Variants in ADGRA1 observed in about 807,000 individuals in gnomAD.
ADGRA1 encodes adhesion G protein-coupled receptor A1.
ADGRA1 carries 12 observed loss-of-function variants against 21.3 expected under a neutral mutation model. The observed-to-expected ratio is 0.56, with a 90% CI of 0.36 to 0.91. ADGRA1 has a LOEUF of 0.91. Among genes scored for constraint, ADGRA1 ranks in the 40% least tolerant of loss-of-function variants. The probability of loss-of-function intolerance (pLI) is 0.01; values close to 1 mark genes in which losing one functional copy is unlikely to be tolerated. For synonymous variants in ADGRA1, 385 were observed against 368.8 expected (o/e 1.04, Z -0.50); for missense variants, 790 against 805.6 (o/e 0.98, Z 0.23).
intron 5 of ADGRA1, among the ~76,000 whole-genome samples, chr10:133,104,667 G>A (rs1014162103): frequency 1.3e-5 from 2 of 152,168 alleles, no homozygotes; most frequent in Non-Finnish European, 2.9e-5. Flanking sequence ...GGCAGGGGGT[G>A]TCCACACAGT....
chr10:133,129,196 C>G lies in ADGRA1; in HGVS notation c.1368C>G (p.Pro456=), dbSNP rs1449874241. ...CCCGCAGCTCGCGCACAGACAGCCC[C>G]CCCAGCTCTCTGGATGGCCCGGCGG... is the stretch of plus-strand genomic sequence containing the variant. The part of the protein sequence containing the change: ...GSPRSSRTDS[P]PSSLDGPAGT... Residue 456 remains proline (P), a synonymous_variant, in exon 7 of 7, where the codon CCC becomes CCG. Transcript: ENST00000392607. 6.4e-7 allele frequency: 1 copy of G among 1,550,412 alleles called. No homozygotes were observed. Among genetic ancestry groups the G allele is most frequent in the South Asian group, 1.2e-5 (1 of 84,100 alleles).
chr10:133,128,846 C>G lies in ADGRA1; in HGVS notation c.1018C>G (p.Arg340Gly), dbSNP rs1324243562. 6.3e-7 allele frequency: 1 copy of G among 1,587,724 alleles called. No homozygotes were observed. Among genetic ancestry groups the G allele is most frequent in the South Asian group, 1.1e-5 (1 of 88,932 alleles). ...ALDANGAALG[R>G]AACLHSPGLG... is the part of the protein sequence containing the mutation. Reference sequence around the variant, plus strand: ...TGACGCCAACGGGGCCGCGCTGGGCCGCGCCGCCTGCCTGCACTCGCCGGG... The same window carrying G: ...TGACGCCAACGGGGCCGCGCTGGGCGGCGCCGCCTGCCTGCACTCGCCGGG... The change falls in exon 7 of 7, where the codon CGC becomes GGC. Residue 340 changes from arginine (R) to glycine (G), a missense_variant. Transcript: ENST00000392607.
chr10:133,112,936 AGGTCTGCGGGCTGTGTCGGTTATTTGG>A (rs1852084596), intron 5 of ADGRA1, among the ~76,000 whole-genome samples: 2 of 73,714 alleles, frequency 2.7e-5, no homozygotes. Context: ...CGGTTATTTG[AGGTCTGCGGGCTGTGTCGGTTATTTGG>A]GGTCTGCGGG....
chr10:133,093,764 G>A (rs1564842789), intron 2 of ADGRA1, among the ~76,000 whole-genome samples: 1 of 152,210 alleles, frequency 6.6e-6, no homozygotes, highest in Admixed American at 6.5e-5. Flanking sequence ...CTTCTGACTT[G>A]CTGGCTCACC....
intron 5 of ADGRA1, among the ~76,000 whole-genome samples, chr10:133,125,648 C>T (rs756596207): frequency 9.9e-5 from 15 of 151,954 alleles, no homozygotes; most frequent in Non-Finnish European, 2.1e-4. Flanking sequence ...CCAGGATGGT[C>T]TCGGTCTCCT....
In ADGRA1 at chr10:133,102,733, A is replaced by G. The variant is rs770750197; in HGVS notation, c.292A>G (p.Met98Val). ...IVLHYSTLSTMLWIGVTARNI... is the reference protein window; with the variant it reads ...IVLHYSTLSTVLWIGVTARNI... ...GCTGCACTATTCTACACTGTCCACC[A>G]TGCTGTGGATAGGAGTGACCGCCAG... The change falls in exon 5 of 7, where the codon ATG (methionine) becomes GTG (valine). Residue 98 changes from methionine (M) to valine (V), a missense_variant. This residue lies in a region of ADGRA1 where 382 missense variants were observed against 415.6 expected (regional missense o/e 0.92). Transcript: ENST00000392607. 4.3e-6 allele frequency: 7 copies of G among 1,612,342 alleles called. No individual in the cohort carries two copies. The highest frequency in any genetic ancestry group is 5.9e-6 in the Non-Finnish European group (7 of 1,179,648).
At position 133,129,742 on chromosome 10, in the gene ADGRA1, C is replaced by T. The variant is rs1001238326; in HGVS notation, c.*231C>T. ...CTTGTGAAAGACCTCAGCGGGGAAA[C>T]GCTCCGGGCCACGCCCACTCCCCTT... On this transcript the variant is annotated 3_prime_UTR_variant, in exon 7 of 7. Transcript: ENST00000392607. The T allele has an allele frequency of 1.0e-4, 53 of 526,430 alleles. 1 individual carries two copies. The highest frequency in any genetic ancestry group is 5.6e-4 in the South Asian group (22 of 39,304). 32.6% of individuals were successfully genotyped at this position (526,430 alleles called of 1,614,324 possible).
In ADGRA1 at chr10:133,101,773, C is replaced by T. The variant is rs565320704; in HGVS notation, c.256-924C>T. ...ACGACCCCACACTCAGTGGCCAGGC[C>T]GGGGGAAAGGGTGGAGCCCCCCGGG... is the stretch of plus-strand genomic sequence containing the variant. On this transcript the variant is annotated intron_variant, in intron 4 of 6. Coordinates refer to ENST00000392607, the MANE Select transcript of ADGRA1 (RefSeq NM_001083909.3). Among the ~76,000 whole-genome samples, 18 of 152,276 alleles carry T rather than the reference C, an allele frequency of 1.2e-4. 1 individual carries two copies. The South Asian group carries it at 3.5e-3, about 30-fold the overall frequency.
chr10:133,128,348 C>A lies in ADGRA1; in HGVS notation c.520C>A (p.Pro174Thr). The A allele has an allele frequency of 1.9e-6, 3 of 1,553,642 alleles. No homozygotes were observed. The highest frequency in any genetic ancestry group is 4.6e-5 in the East Asian group (2 of 43,872). The change falls in exon 7 of 7, where the codon CCC becomes ACC. Residue 174 changes from proline (P) to threonine (T), a missense_variant. Pro to Thr is a conservative substitution (Grantham distance 38). Transcript: ENST00000392607. ...CCACAGCTGCTGGATGGCCTGGGAG[C>A]CCAGCCTGGGCGCCTTCTACGGCCC... ...DTAYCWMAWEPSLGAFYGPAA... is the reference protein window; with the variant it reads ...DTAYCWMAWETSLGAFYGPAA...
In ADGRA1 at chr10:133,128,377, C is replaced by A; in HGVS notation, c.549C>A (p.Ala183=). Residue 183 remains alanine, a synonymous_variant, in exon 7 of 7, where the codon GCC becomes GCA. Coordinates refer to ENST00000392607, the MANE Select transcript of ADGRA1 (RefSeq NM_001083909.3). ...EPSLGAFYGP[A]AIITLVTCVY... is the part of the protein sequence containing the mutation. ...GCCTGGGCGCCTTCTACGGCCCAGC[C>A]GCCATCATCACCCTGGTCACCTGTG... is the stretch of plus-strand genomic sequence containing the variant. 1 of 1,586,480 alleles carries A rather than the reference C, an allele frequency of 6.3e-7. No homozygotes were observed. The highest frequency in any genetic ancestry group is 2.3e-5 in the East Asian group (1 of 44,280).
intron 3 of ADGRA1, among the ~76,000 whole-genome samples, chr10:133,097,846 ACTGCCTGTGTCC>A (rs1254758545): frequency 2.0e-5 from 3 of 152,140 alleles, no homozygotes; most frequent in South Asian, 4.1e-4. Context: ...GACGGCACCC[ACTGCCTGTGTCC>A]CTGCCTGTGT....
At chr10:133,121,454 G>T (rs1374322799) in intron 5 of ADGRA1, among the ~76,000 whole-genome samples, 2 of 145,606 alleles carry the variant, frequency 1.4e-5, no homozygotes, top group Non-Finnish European at 3.0e-5. Context: ...CGTGTGCGTG[G>T]AGTGTGTCAG....
chr10:133,114,576 G>C (rs1564851053), intron 5 of ADGRA1, among the ~76,000 whole-genome samples: 1 of 152,270 alleles, frequency 6.6e-6, no homozygotes, highest in East Asian at 1.9e-4. Flanking sequence ...TCCACCCTCA[G>C]AGGTTATCGA....
chr10:133,106,191 C>T (rs1167716549), intron 5 of ADGRA1, among the ~76,000 whole-genome samples: 2 of 152,162 alleles, frequency 1.3e-5, no homozygotes, highest in South Asian at 2.1e-4. Context: ...AGGGCAAGAG[C>T]GGTAGGACTG....
chr10:133,088,637 G>A, intron 1 of ADGRA1, 71 bp from the exon 2 acceptor site: 1 of 1,016,750 alleles, frequency 9.8e-7, no homozygotes, highest in Non-Finnish European at 1.3e-6. Context: ...GCTCCCTGGC[G>A]GGGTCGGGGC....
intron 5 of ADGRA1, among the ~76,000 whole-genome samples, chr10:133,125,549 G>A (rs945426266): frequency 2.6e-5 from 4 of 151,888 alleles, no homozygotes; most frequent in Non-Finnish European, 4.4e-5. Flanking sequence ...TCAGCCTCCC[G>A]AGTAGCTGGG....
At chr10:133,096,759 C>T (rs368882517) in intron 2 of ADGRA1, among the ~76,000 whole-genome samples, 1 of 152,202 alleles carries the variant, frequency 6.6e-6, no homozygotes, top group African/African-American at 2.4e-5. Flanking sequence ...GACAGCACTC[C>T]GTGGCCACGT....
chr10:133,123,930 CTT>C (rs1199968790), intron 5 of ADGRA1, among the ~76,000 whole-genome samples: 1 of 152,230 alleles, frequency 6.6e-6, no homozygotes. Flanking sequence ...CAAGGTCCCT[CTT>C]GACGCGTGAG....
intron 5 of ADGRA1, among the ~76,000 whole-genome samples, chr10:133,104,779 G>A (rs1201561084): frequency 1.3e-5 from 2 of 152,172 alleles, no homozygotes; most frequent in Admixed American, 6.5e-5. Context: ...GTGCACCCCT[G>A]AGGCAGGTGC....
Sources: allele counts gnomAD v4.1 joint callset (sites outside exome capture counted in the v4.1 genomes callset), GRCh38; gene constraint gnomAD v4.1.1; regional missense constraint gnomAD v4.1.1; transcripts MANE v1.5; gene names NCBI Gene and HGNC (gene_info 2026-07-23, HGNC 2026-07-21).